The following HELZ variants were observed in gnomAD, a reference collection of about 807,000 sequenced individuals.
HELZ encodes ATP-dependent RNA helicase with zinc finger domain.
Under a neutral mutation model 218.2 loss-of-function variants are expected in HELZ, and 23 were observed. The observed-to-expected ratio is 0.11, with a 90% confidence interval of 0.08 to 0.15. The LOEUF (loss-of-function observed/expected upper bound fraction) is 0.15, where lower values mean the gene tolerates loss of function less well. Ranked by LOEUF, HELZ falls within the 10% of genes least tolerant of loss-of-function variation. HELZ has a pLI of 1.00. For synonymous variants in HELZ, 814 were observed against 829.4 expected (o/e 0.98, Z 0.32); for missense variants, 1,813 against 2,353.7 (o/e 0.77, Z 4.75).
intron 18 of HELZ, among the ~76,000 whole-genome samples, chr17:67,150,442 G>C (rs2038648828): frequency 1.3e-5 from 2 of 151,910 alleles, no homozygotes; most frequent in Admixed American, 1.3e-4. Context: ...GATTTGTACT[G>C]CTTTTTGATG....
intron 18 of HELZ, among the ~76,000 whole-genome samples, chr17:67,150,422 C>G (rs1010150993): frequency 7.9e-5 from 12 of 152,112 alleles, no homozygotes; most frequent in African/African-American, 2.4e-4. Flanking sequence ...AGCCACCACG[C>G]CTGGCCCCAG....
intron 24 of HELZ, among the ~76,000 whole-genome samples, chr17:67,126,991 A>G (rs2037821040): frequency 6.6e-6 from 1 of 152,216 alleles, no homozygotes. Flanking sequence ...TCATTTAAAA[A>G]ATACTTCTAA....
chr17:67,187,413 G>A (rs1384902673), intron 12 of HELZ, among the ~76,000 whole-genome samples: 1 of 152,086 alleles, frequency 6.6e-6, no homozygotes, highest in Non-Finnish European at 1.5e-5. Flanking sequence ...GAGGAAGACA[G>A]ACCAATTTCA....
At chr17:67,212,716 T>C (rs539623123) in intron 5 of HELZ, among the ~76,000 whole-genome samples, 2 of 152,326 alleles carry the variant, frequency 1.3e-5, no homozygotes, top group Non-Finnish European at 2.9e-5. Context: ...AAGGAATGTG[T>C]AGAATGTAAT....
intron 10 of HELZ, 97 bp downstream of exon 10, chr17:67,190,060 A>T: frequency 1.1e-6 from 1 of 940,682 alleles, no homozygotes; most frequent in Non-Finnish European, 1.7e-6. Context: ...TTTGCAAAGA[A>T]GATAAGGAAA....
chr17:67,202,389 G>A (rs764209478), intron 6 of HELZ, among the ~76,000 whole-genome samples: 1 of 152,134 alleles, frequency 6.6e-6, no homozygotes, highest in African/African-American at 2.4e-5. Context: ...AGCTACTGAG[G>A]AGGTTGAAAC....
intron 9 of HELZ, among the ~76,000 whole-genome samples, chr17:67,191,243 T>A (rs1674881125): frequency 6.6e-6 from 1 of 152,200 alleles, no homozygotes; most frequent in Admixed American, 6.5e-5. Flanking sequence ...TCAGTGAAAA[T>A]ATATTAACTT....
At chr17:67,212,314 C>CGAAA (rs2040475559) in intron 5 of HELZ, among the ~76,000 whole-genome samples, 1 of 21,396 alleles carries the variant, frequency 4.7e-5, no homozygotes, top group Admixed American at 1.2e-3. Flanking sequence ...GACACCATCT[C>CGAAA]AAAAAAAAAA....
rs2039857856 is a variant in HELZ at position 67,190,249 on chromosome 17, A to G, written c.664T>C (p.Leu222=). ...TGTTTATTCTCATTTTGCTGTTTCA[A>G]TTTTATCAGCCGTGAAGCATATCTT... ...QKRYASRLIK[L]KQQNENKQLS... The change falls in exon 10 of 33, where the codon TTG becomes CTG. Residue 222 remains leucine, a synonymous_variant. Coordinates refer to ENST00000358691, the MANE Select transcript of HELZ (RefSeq NM_014877.4). 4.3e-6 allele frequency: 7 copies of G among 1,614,024 alleles called. No individual in the cohort carries two copies. Among genetic ancestry groups the G allele is most frequent in the Admixed American group, 1.7e-5 (1 of 60,004 alleles).
intron 32 of HELZ, among the ~76,000 whole-genome samples, chr17:67,086,421 G>C (rs1184832684): frequency 2.7e-5 from 4 of 150,856 alleles, no homozygotes; most frequent in Admixed American, 6.6e-5. Context: ...CCCATCTCTA[G>C]ATACAAAAAA....
chr17:67,200,320 C>T (rs905094159), intron 7 of HELZ, among the ~76,000 whole-genome samples: 1 of 152,202 alleles, frequency 6.6e-6, no homozygotes, highest in African/African-American at 2.4e-5. Flanking sequence ...CATGTGTCCT[C>T]CAAGTCCTTC....
At chr17:67,101,294 A>G (rs1465508829) in intron 31 of HELZ, among the ~76,000 whole-genome samples, 1 of 152,082 alleles carries the variant, frequency 6.6e-6, no homozygotes, top group East Asian at 1.9e-4. Flanking sequence ...AGGAGGAAAG[A>G]GTTCATAAAG....
intron 17 of HELZ, among the ~76,000 whole-genome samples, chr17:67,158,931 C>A (rs998104969): frequency 6.6e-6 from 1 of 152,158 alleles, no homozygotes; most frequent in Non-Finnish European, 1.5e-5. Flanking sequence ...TATGCTAAGT[C>A]GACCGAGATT....
intron 17 of HELZ, among the ~76,000 whole-genome samples, chr17:67,157,692 T>C (rs945524940): frequency 3.9e-5 from 6 of 152,244 alleles, no homozygotes; most frequent in Admixed American, 6.5e-5. Context: ...TCTGGTAATA[T>C]ATAATTTTAA....
chr17:67,245,419 C>T (rs1179175378), upstream of HELZ: 5 of 916,536 alleles, frequency 5.5e-6, no homozygotes, highest in East Asian at 1.2e-4. Flanking sequence ...GGGTTTTCTC[C>T]CTTTCTCCTG....
intron 28 of HELZ, 29 bp downstream of exon 28, chr17:67,114,295 T>C: frequency 1.4e-6 from 2 of 1,456,736 alleles, no homozygotes; most frequent in Non-Finnish European, 1.9e-6. Flanking sequence ...CTAAATCCAC[T>C]AGGACAACAC....
At chr17:67,168,749 G>C (rs931105604) in intron 13 of HELZ, among the ~76,000 whole-genome samples, 5 of 152,176 alleles carry the variant, frequency 3.3e-5, no homozygotes, top group African/African-American at 9.7e-5. Flanking sequence ...GTGAGTATGA[G>C]AGAGTATGTG....
rs535763218 is a variant in HELZ, at chr17:67,073,950, C to G, written c.*4302G>C. Reference sequence around the variant, plus strand: ...ATTTTCAAGACTAACATGCCAGTTACTCTTTCAAGATGGAGATGGTGTCTT... The same window carrying G: ...ATTTTCAAGACTAACATGCCAGTTAGTCTTTCAAGATGGAGATGGTGTCTT... On this transcript the variant is annotated 3_prime_UTR_variant, in exon 33 of 33. Coordinates refer to ENST00000358691, the MANE Select transcript of HELZ (RefSeq NM_014877.4). 1 of 152,228 alleles carries G rather than the reference C, an allele frequency of 6.6e-6. No homozygotes were observed. Among genetic ancestry groups the G allele is most frequent in the East Asian group, 1.9e-4 (1 of 5,176 alleles). The allele number at this position is 152,228 out of a possible 1,614,324, so 9.4% of individuals were successfully genotyped here. A position where few individuals can be genotyped will look rare whatever the true frequency, so the allele number is the denominator to read the frequency against.
At chr17:67,149,795 T>C in intron 19 of HELZ, 72 bp downstream of exon 19, 1 of 834,786 alleles carries the variant, frequency 1.2e-6, no homozygotes, top group Non-Finnish European at 1.9e-6. Flanking sequence ...TAGGATGTTT[T>C]AGAAATAGAA....
Sources: gnomAD v4.1 joint callset for allele counts (sites outside exome capture counted in the v4.1 genomes callset) on GRCh38, gnomAD v4.1.1 for gene constraint, MANE v1.5 for transcripts, NCBI Gene and HGNC (gene_info 2026-07-23, HGNC 2026-07-21) for gene names.